The following TPD52 variants were observed in gnomAD, a reference collection of about 807,000 sequenced individuals.
The protein encoded by TPD52 is prostate and colon associated protein.
Under a neutral mutation model 31.3 loss-of-function variants are expected in TPD52, and 17 were observed. The ratio of observed to expected loss-of-function variants is 0.54; its 90% CI spans 0.37 to 0.82. TPD52 has a LOEUF of 0.82. TPD52 is among the 40% of genes least tolerant of loss of function. The pLI is 0.00. For synonymous variants in TPD52, 83 were observed against 89.6 expected (o/e 0.93, Z 0.42); for missense variants, 212 against 240.1 (o/e 0.88, Z 0.77).
intron 1 of TPD52, among the ~76,000 whole-genome samples, chr8:80,100,985 T>C (rs927700271): frequency 3.9e-5 from 6 of 152,324 alleles, no homozygotes; most frequent in South Asian, 2.1e-4. Context: ...AGTCCACACA[T>C]ACATTTAACC....
Position 80,037,112 on chromosome 8 carries a change from G to A in TPD52, c.*1004C>T, listed in dbSNP as rs1809961853. The stretch of plus-strand genomic sequence containing the variant: ...TTATTAATGCATTACATCCTCAAGA[G>A]TTATCACCAACCCCTCAGTATAAAA... On this transcript the variant is annotated 3_prime_UTR_variant, in exon 8 of 8. Coordinates refer to ENST00000518937, the MANE Select transcript of TPD52 (RefSeq NM_001025253.3). The A allele has an allele frequency of 6.6e-6, 1 of 152,456 alleles. No individual in the cohort carries two copies. Among genetic ancestry groups the A allele is most frequent in the Non-Finnish European group, 1.5e-5 (1 of 67,970 alleles). 9.4% of individuals were successfully genotyped at this position (152,456 alleles called of 1,614,324 possible).
intron 1 of TPD52, among the ~76,000 whole-genome samples, chr8:80,113,882 G>A (rs938212931): frequency 9.9e-5 from 15 of 152,130 alleles, no homozygotes; most frequent in Admixed American, 7.2e-4. Flanking sequence ...ATTGTATCCC[G>A]ATATCAAAGT....
At chr8:80,160,849 G>C (rs1811300128) in intron 1 of TPD52, among the ~76,000 whole-genome samples, 1 of 133,366 alleles carries the variant, frequency 7.5e-6, no homozygotes, top group Non-Finnish European at 1.5e-5. Flanking sequence ...TTCGAGACCA[G>C]CCTGGGAAAC....
chr8:80,101,058 T>C (rs1586299211), intron 1 of TPD52, among the ~76,000 whole-genome samples: 1 of 152,188 alleles, frequency 6.6e-6, no homozygotes, highest in East Asian at 1.9e-4. Context: ...TATTTACTAT[T>C]GAACGTATTA....
At chr8:80,092,118 G>A (rs552159572) in intron 1 of TPD52, among the ~76,000 whole-genome samples, 1 of 152,134 alleles carries the variant, frequency 6.6e-6, no homozygotes, top group Non-Finnish European at 1.5e-5. Flanking sequence ...CAAATTAGGG[G>A]TTTGGGGCAT....
At chr8:80,143,512 A>T (rs1809981749) in intron 1 of TPD52, among the ~76,000 whole-genome samples, 1 of 152,176 alleles carries the variant, frequency 6.6e-6, no homozygotes, top group Non-Finnish European at 1.5e-5. Flanking sequence ...TGAGCTAATT[A>T]TACACAGCAC....
At chr8:80,149,749 C>T (rs765902346) in intron 1 of TPD52, among the ~76,000 whole-genome samples, 6 of 152,278 alleles carry the variant, frequency 3.9e-5, no homozygotes, top group Non-Finnish European at 2.9e-5. Flanking sequence ...AGACTGGTGG[C>T]TTTTTGCCCT....
chr8:80,159,339 A>C (rs1006007460), intron 1 of TPD52, among the ~76,000 whole-genome samples: 3 of 152,250 alleles, frequency 2.0e-5, no homozygotes, highest in Admixed American at 2.0e-4. Flanking sequence ...GCATAAGATC[A>C]GACACACTGG....
rs1055958831 is a variant in TPD52 at position 80,054,959 on chromosome 8, T to G, written c.136-1529A>C. On this transcript the variant is annotated intron_variant, in intron 2 of 7. Coordinates refer to ENST00000518937, the MANE Select transcript of TPD52 (RefSeq NM_001025253.3). ...AAGAGGAAAGAATAAGGTTCAAAAT[T>G]AAGTAAATTAAATGATTTGCCCAAA... Among the ~76,000 whole-genome samples, 54 of 152,094 alleles carry G rather than the reference T, an allele frequency of 3.6e-4. 2 individuals carry two copies. Among genetic ancestry groups the G allele is most frequent in the Non-Finnish European group, 6.8e-4 (46 of 67,996 alleles).
intron 1 of TPD52, among the ~76,000 whole-genome samples, chr8:80,137,515 G>A (rs1809518334): frequency 6.6e-6 from 1 of 152,088 alleles, no homozygotes; most frequent in Non-Finnish European, 1.5e-5. Flanking sequence ...TAAAGTGATT[G>A]TATACATTAC....
intron 1 of TPD52, among the ~76,000 whole-genome samples, chr8:80,129,600 T>C (rs1174495960): frequency 2.0e-5 from 3 of 152,164 alleles, no homozygotes; most frequent in Non-Finnish European, 4.4e-5. Context: ...AGAACCACAA[T>C]GTATGTTCCA....
intron 1 of TPD52, among the ~76,000 whole-genome samples, chr8:80,110,229 C>T (rs1414114308): frequency 6.6e-6 from 1 of 152,088 alleles, no homozygotes; most frequent in African/African-American, 2.4e-5. Flanking sequence ...GAAGCTAAGT[C>T]TCTCAGTATT....
At chr8:80,126,145 T>C (rs1808582150) in intron 1 of TPD52, among the ~76,000 whole-genome samples, 1 of 152,220 alleles carries the variant, frequency 6.6e-6, no homozygotes, top group Admixed American at 6.5e-5. Context: ...TATATTTTGT[T>C]TCATTTATTT....
At chr8:80,034,260 C>T (rs901430795), downstream of TPD52, among the ~76,000 whole-genome samples, 2 of 152,186 alleles carry the variant, frequency 1.3e-5, no homozygotes, top group African/African-American at 4.8e-5. Flanking sequence ...GGGGACTTTC[C>T]AGGCCCCCGA....
chr8:80,053,777 C>T (rs1347446475), intron 2 of TPD52, among the ~76,000 whole-genome samples: 4 of 152,064 alleles, frequency 2.6e-5, no homozygotes, highest in African/African-American at 4.8e-5. Context: ...TCCACTCTCC[C>T]GACCTGTGGG....
intron 1 of TPD52, among the ~76,000 whole-genome samples, chr8:80,101,012 G>A (rs754316200): frequency 6.6e-6 from 1 of 152,218 alleles, no homozygotes; most frequent in Non-Finnish European, 1.5e-5. Context: ...TCATTCCTGA[G>A]CTCAGAGTGT....
In TPD52 at chr8:80,094,482, ATATG is replaced by A. The variant is rs1404712386; in HGVS notation, c.20-29893_20-29890del. On this transcript the variant is annotated intron_variant, in intron 1 of 7. Transcript: ENST00000518937. ...TATATATATATATATATATATATAT[ATATG>A]TATGTATATATAACATGAGGGAGAC... is the stretch of plus-strand genomic sequence containing the variant. Among the ~76,000 whole-genome samples, 34 of 104,982 alleles carry A rather than the reference ATATG, an allele frequency of 3.2e-4. No individual in the cohort carries two copies. The South Asian group carries it at 3.5e-3, about 11-fold the overall frequency. The allele number at this position is 104,982 out of a possible 152,430, so 68.9% of individuals were successfully genotyped here. A position where few individuals can be genotyped will look rare whatever the true frequency, so the allele number is the denominator to read the frequency against.
At chr8:80,096,118 T>C (rs1816713995) in intron 1 of TPD52, among the ~76,000 whole-genome samples, 1 of 152,260 alleles carries the variant, frequency 6.6e-6, no homozygotes, top group South Asian at 2.1e-4. Context: ...TAGTTGGGCA[T>C]GGTGGTGTGC....
chr8:80,095,524 G>A, intron 1 of TPD52, among the ~76,000 whole-genome samples: 1 of 152,166 alleles, frequency 6.6e-6, no homozygotes, highest in East Asian at 1.9e-4. Flanking sequence ...TAATAATAAT[G>A]TCTCAGCATT....
Sources: allele counts gnomAD v4.1 joint callset (sites outside exome capture counted in the v4.1 genomes callset), GRCh38; gene constraint gnomAD v4.1.1; transcripts MANE v1.5; gene names NCBI Gene and HGNC (gene_info 2026-07-23, HGNC 2026-07-21).